PLAG1: variants seen among roughly 807,000 people sequenced by gnomAD.
PLAG1 encodes zinc finger protein PLAG1.
PLAG1 carries 7 observed loss-of-function variants against 35.5 expected under a neutral mutation model. That is an observed-to-expected ratio of 0.20 (90% CI 0.11 to 0.37). The LOEUF (loss-of-function observed/expected upper bound fraction) is 0.37. Among genes scored for constraint, PLAG1 ranks in the 10% least tolerant of loss-of-function variants. The probability of loss-of-function intolerance (pLI) is 1.00; values close to 1 mark genes in which losing one functional copy is unlikely to be tolerated. For synonymous variants in PLAG1, 229 were observed against 225.4 expected (o/e 1.02, Z -0.14); for missense variants, 454 against 602.8 (o/e 0.75, Z 2.58).
intron 1 of PLAG1, among the ~76,000 whole-genome samples, chr8:56,190,576 C>T (rs1238543936): frequency 6.6e-6 from 1 of 152,132 alleles, no homozygotes; most frequent in Non-Finnish European, 1.5e-5. Context: ...GCACTAAGTC[C>T]ACATTCCTCT....
chr8:56,173,797 A>G (rs1202714807), intron 2 of PLAG1, among the ~76,000 whole-genome samples: 2 of 152,118 alleles, frequency 1.3e-5, no homozygotes, highest in Non-Finnish European at 2.9e-5. Flanking sequence ...TTGCATACAG[A>G]AACAATAGAG....
At chr8:56,175,595 A>G (rs954652646) in intron 2 of PLAG1, among the ~76,000 whole-genome samples, 28 of 152,186 alleles carry the variant, frequency 1.8e-4, no homozygotes, top group African/African-American at 6.3e-4. Context: ...TGCGTTTTAT[A>G]TTTTTAACTC....
intron 1 of PLAG1, among the ~76,000 whole-genome samples, chr8:56,189,513 A>G (rs1408967980): frequency 2.6e-5 from 4 of 152,216 alleles, no homozygotes; most frequent in Non-Finnish European, 5.9e-5. Flanking sequence ...CTATCAAGGT[A>G]TCATGGTGAA....
rs1811312234 is a variant in PLAG1 at position 56,165,040 on chromosome 8, A to G, written c.*1203T>C. ...GATGGATTCACATTGAATCAGAAAGATAACATCGGAGTAGGACTGTTGTTT... is the reference window on the plus strand; with the variant it reads ...GATGGATTCACATTGAATCAGAAAGGTAACATCGGAGTAGGACTGTTGTTT... On this transcript the variant is annotated 3_prime_UTR_variant, in exon 5 of 5. Transcript: ENST00000316981. 2 of 206,864 alleles carry G rather than the reference A, an allele frequency of 9.7e-6. No individual in the cohort carries two copies. Among genetic ancestry groups the G allele is most frequent in the Non-Finnish European group, 9.9e-6 (1 of 101,260 alleles). 12.8% of individuals were successfully genotyped at this position (206,864 alleles called of 1,614,324 possible).
chr8:56,182,193 T>C (rs2071610549), intron 1 of PLAG1, among the ~76,000 whole-genome samples: 1 of 152,206 alleles, frequency 6.6e-6, no homozygotes, highest in South Asian at 2.1e-4. Context: ...AGGAAGTGCT[T>C]GTTTGAATGA....
At chr8:56,197,644 C>T (rs1812421300) in intron 1 of PLAG1, among the ~76,000 whole-genome samples, 1 of 152,232 alleles carries the variant, frequency 6.6e-6, no homozygotes, top group South Asian at 2.1e-4. Context: ...CCCACGCCCA[C>T]TGTGCTTAGG....
At chr8:56,199,811 C>G (rs1812498039) in intron 1 of PLAG1, among the ~76,000 whole-genome samples, 1 of 152,142 alleles carries the variant, frequency 6.6e-6, no homozygotes, top group South Asian at 2.1e-4. Context: ...CAGTCCCAGT[C>G]TTCTCTGGGA....
intron 1 of PLAG1, among the ~76,000 whole-genome samples, chr8:56,183,679 G>C (rs116771605): frequency 6.6e-6 from 1 of 152,130 alleles, no homozygotes; most frequent in South Asian, 2.1e-4. Context: ...TCTTTACAAT[G>C]TCTTTACAAT....
intron 1 of PLAG1, among the ~76,000 whole-genome samples, chr8:56,210,742 C>A (rs915425028): frequency 6.6e-6 from 1 of 151,688 alleles, no homozygotes; most frequent in Non-Finnish European, 1.5e-5. Context: ...CTGCCGCTGC[C>A]GCTGTCACAA....
chr8:56,184,988 G>A (rs1394348281), intron 1 of PLAG1, among the ~76,000 whole-genome samples: 1 of 152,132 alleles, frequency 6.6e-6, no homozygotes, highest in African/African-American at 2.4e-5. Flanking sequence ...TGAACAAGTT[G>A]TAGTATATTC....
chr8:56,199,999 C>T (rs1812503992), intron 1 of PLAG1, among the ~76,000 whole-genome samples: 2 of 152,308 alleles, frequency 1.3e-5, no homozygotes, highest in South Asian at 4.1e-4. Flanking sequence ...AAAACCCCTT[C>T]TGTGTGGCCT....
In PLAG1 at chr8:56,166,374, G is replaced by A. The variant is rs35883156; in HGVS notation, c.1372C>T (p.Pro458Ser). 1 of 1,613,736 alleles carries A rather than the reference G, an allele frequency of 6.2e-7. No individual in the cohort carries two copies. The highest frequency in any genetic ancestry group is 8.5e-7 in the Non-Finnish European group (1 of 1,179,816). The change falls in exon 5 of 5, where the codon CCA becomes TCA. Residue 458 changes from proline to serine, a missense_variant. Transcript: ENST00000316981. The part of the protein sequence containing the change: ...EAHSSVSQLP[P>S]QTQDLQDPAN... The stretch of plus-strand genomic sequence containing the variant: ...GGATCCTGAAGATCCTGTGTTTGTG[G>A]GGGGAGCTGGGAAACAGAAGAATGT...
At chr8:56,191,819 A>C (rs1812191947) in intron 1 of PLAG1, among the ~76,000 whole-genome samples, 2 of 152,064 alleles carry the variant, frequency 1.3e-5, no homozygotes, top group Admixed American at 1.3e-4. Context: ...AAAAAAAAAA[A>C]AAAAACCCAG....
rs544697171 is a variant in PLAG1 at position 56,194,316 on chromosome 8, C to CAA, written c.-321-14805_-321-14804dup. On this transcript the variant is annotated intron_variant, in intron 1 of 4. Coordinates refer to ENST00000316981, the MANE Select transcript of PLAG1 (RefSeq NM_002655.3). The stretch of plus-strand genomic sequence containing the variant: ...TGGGTGAGAGGGCACAACTCTGTCT[C>CAA]AAAAAAAAAAAAAAAAAAAAGGAAA... Among the ~76,000 whole-genome samples the CAA allele has an allele frequency of 2.5e-3, 138 of 56,124 alleles. 1 individual carries two copies. Among genetic ancestry groups the CAA allele is most frequent in the Middle Eastern group, 8.8e-3 (1 of 114 alleles). 36.8% of individuals were successfully genotyped at this position (56,124 alleles called of 152,430 possible).
Position 56,163,907 on chromosome 8 carries a change from G to GATTTCTATTTAAAATCTATTTAAAAATA in PLAG1, c.*2335_*2336insTATTTTTAAATAGATTTTAAATAGAAAT. 1 of 183,250 alleles carries GATTTCTATTTAAAATCTATTTAAAAATA rather than the reference G, an allele frequency of 5.5e-6. No homozygotes were observed. The highest frequency in any genetic ancestry group is 1.2e-5 in the Non-Finnish European group (1 of 85,930). 11.4% of individuals were successfully genotyped at this position (183,250 alleles called of 1,614,324 possible). A position where few individuals can be genotyped will look rare whatever the true frequency, so the allele number is the denominator to read the frequency against. On this transcript the variant is annotated 3_prime_UTR_variant, in exon 5 of 5. Transcript: ENST00000316981. ...TATTTGTGATTTCTATTTAAAAATA[G>GATTTCTATTTAAAATCTATTTAAAAATA]GTTTTCTATTTGTGCTCTGTCACCA...
intron 1 of PLAG1, among the ~76,000 whole-genome samples, chr8:56,197,140 G>T (rs1408403648): frequency 6.6e-6 from 1 of 152,010 alleles, no homozygotes; most frequent in East Asian, 1.9e-4. Flanking sequence ...CCAGGTGTCT[G>T]TGTCTCTCTC....
chr8:56,202,523 T>G (rs1276216105), intron 1 of PLAG1, among the ~76,000 whole-genome samples: 1 of 152,228 alleles, frequency 6.6e-6, no homozygotes, highest in African/African-American at 2.4e-5. Flanking sequence ...ATTAAAAAAT[T>G]TCTTTTAATT....
At position 56,166,690 on chromosome 8, in the gene PLAG1, T is replaced by C. The variant is rs1339076222; in HGVS notation, c.1056A>G (p.Leu352=). 1.2e-6 allele frequency: 2 copies of C among 1,613,944 alleles called. No homozygotes were observed. The highest frequency in any genetic ancestry group is 2.7e-5 in the African/African-American group (2 of 74,900). ...TCAGGTAACTCTCAATTTCCCCCTT[T>C]AATGGCTGTTCTTTTTCAGGAATAG... ...AISIPEKEQP[L]KGEIESYLME... is the part of the protein sequence containing the mutation. Residue 352 remains leucine (L), a synonymous_variant, in exon 5 of 5, where the codon TTA becomes TTG. Coordinates refer to ENST00000316981, the MANE Select transcript of PLAG1 (RefSeq NM_002655.3).
intron 3 of PLAG1, among the ~76,000 whole-genome samples, chr8:56,169,487 A>G (rs547849682): frequency 6.6e-6 from 1 of 152,280 alleles, no homozygotes; most frequent in South Asian, 2.1e-4. Context: ...GGGTAAGAAA[A>G]CCAACTCCTC....
Sources: gnomAD v4.1 joint callset for allele counts (sites outside exome capture counted in the v4.1 genomes callset) on GRCh38, gnomAD v4.1.1 for gene constraint, MANE v1.5 for transcripts, NCBI Gene and HGNC (gene_info 2026-07-23, HGNC 2026-07-21) for gene names.